Variants in TM7SF3 observed in about 807,000 individuals in gnomAD.
TM7SF3 encodes the protein transmembrane 7 superfamily member 3.
A neutral mutation model predicts 65.5 loss-of-function variants in TM7SF3; 60 were observed. The ratio of observed to expected loss-of-function variants is 0.92; its 90% CI spans 0.74 to 1.14. The LOEUF is 1.14. Among genes scored for constraint, TM7SF3 ranks in the 50% most tolerant of loss-of-function variants. The probability of loss-of-function intolerance (pLI) is 0.00; values close to 1 mark genes in which losing one functional copy is unlikely to be tolerated. For synonymous variants in TM7SF3, 264 were observed against 259.6 expected, an observed-to-expected ratio of 1.02 and a Z score of -0.16; for missense variants, 623 against 684.8, an observed-to-expected ratio of 0.91 and a Z score of 1.01.
chr12:26,996,632 A>T, intron 4 of TM7SF3, 110 bp downstream of exon 4: 1 of 1,138,752 alleles, frequency 8.8e-7, no homozygotes, highest in Non-Finnish European at 1.2e-6. Context: ...CCCAAAAATT[A>T]ACTCAATTTT....
In TM7SF3 at chr12:26,972,364, G is replaced by C. The variant is rs1447388377; in HGVS notation, c.*1601C>G. ...ACTAATGCTAACAGCTAATTGAGCAGAAAGAACTATGAAGTACAAATTTTT... is the reference window on the plus strand; with the variant it reads ...ACTAATGCTAACAGCTAATTGAGCACAAAGAACTATGAAGTACAAATTTTT... On this transcript the variant is annotated 3_prime_UTR_variant, in exon 12 of 12. Coordinates refer to ENST00000343028, the MANE Select transcript of TM7SF3 (RefSeq NM_016551.3). 6.6e-6 allele frequency: 1 copy of C among 151,762 alleles called. No homozygotes were observed. Among genetic ancestry groups the C allele is most frequent in the African/African-American group, 2.4e-5 (1 of 41,310 alleles). 9.4% of individuals were successfully genotyped at this position (151,762 alleles called of 1,614,324 possible).
Position 26,995,374 on chromosome 12 carries a change from C to A in TM7SF3, c.553G>T (p.Asp185Tyr), listed in dbSNP as rs1248328010. 3 of 1,614,220 alleles carry A rather than the reference C, an allele frequency of 1.9e-6. No homozygotes were observed. Among genetic ancestry groups the A allele is most frequent in the Non-Finnish European group, 2.5e-6 (3 of 1,180,040 alleles). The change falls in exon 5 of 12, where the codon GAC becomes TAC. Residue 185 changes from aspartate (D) to tyrosine (Y), a missense_variant. By Grantham distance (160) the Asp-to-Tyr change is radical. Coordinates refer to ENST00000343028, the MANE Select transcript of TM7SF3 (RefSeq NM_016551.3). ...VDPPPCDAGT[D>Y]QDSRWRLQYD... ...TGCAACCTCCACCTGGAGTCCTGGTCTGTCCCAGCGTCACATGGTGGGGGA... is the reference window on the plus strand; with the variant it reads ...TGCAACCTCCACCTGGAGTCCTGGTATGTCCCAGCGTCACATGGTGGGGGA...
At chr12:27,007,786 A>C (rs950197610) in intron 1 of TM7SF3, among the ~76,000 whole-genome samples, 2 of 152,198 alleles carry the variant, frequency 1.3e-5, no homozygotes, top group African/African-American at 4.8e-5. Flanking sequence ...CTAAGTTCAA[A>C]CACTAGGAAT....
rs370404732 is a variant in TM7SF3 at position 26,990,554 on chromosome 12, T to C, written c.764A>G (p.Asn255Ser). ...TAGAAACGGGTCCCAAACAATGACA[T>C]TGTATATGACACCTTGTCCCGGGAG... ...SSLPGQGVIY[N>S]VIVWDPFLNT... Residue 255 changes from asparagine (N) to serine (S), a missense_variant, in exon 6 of 12, where the codon AAT (asparagine) becomes AGT (serine). By Grantham distance (46) the Asn-to-Ser change is conservative. Coordinates refer to ENST00000343028, the MANE Select transcript of TM7SF3 (RefSeq NM_016551.3). 24 of 1,613,860 alleles carry C rather than the reference T, an allele frequency of 1.5e-5. No individual in the cohort carries two copies. Among genetic ancestry groups the C allele is most frequent in the East Asian group, 4.5e-5 (2 of 44,884 alleles).
chr12:27,008,551 T>C (rs1206261705), intron 1 of TM7SF3, among the ~76,000 whole-genome samples: 1 of 152,168 alleles, frequency 6.6e-6, no homozygotes, highest in African/African-American at 2.4e-5. Context: ...TCCTTTATGA[T>C]TAGTCCCTTT....
chr12:26,975,495 C>T lies in TM7SF3; in HGVS notation c.1450+1G>A, dbSNP rs370750302. 1.6e-5 allele frequency: 26 copies of T among 1,613,840 alleles called. No homozygotes were observed. In the Admixed American group the frequency reaches 2.7e-4, roughly 17 times the overall value. On this transcript the variant is annotated splice_donor_variant, in intron 11 of 11. Coordinates refer to ENST00000343028, the MANE Select transcript of TM7SF3 (RefSeq NM_016551.3). LOFTEE classifies it high-confidence loss of function. ...CTGGTTTTTGGATTTAAGAGTCTTA[C>T]CATTAGTTTGAAAAGGCACATTTGT...
chr12:27,014,081 C>A lies in TM7SF3; in HGVS notation c.88G>T (p.Glu30Ter). 6.4e-7 allele frequency: 1 copy of A among 1,567,214 alleles called. No homozygotes were observed. The highest frequency in any genetic ancestry group is 2.3e-5 in the East Asian group (1 of 42,622). Residue 30 changes from glutamate to a stop codon, truncating the protein, a stop_gained, in exon 1 of 12, where the codon GAG (glutamate) becomes TAG (stop). Transcript: ENST00000343028. LOFTEE classifies it high-confidence loss of function. ...GAAEVFGNSS[E>*]GLIEFSVGKF... ...AAGCCAGGCGCCCCGACCTTACCCT[C>A]GCTGGAATTCCCGAAGACCTCGGCT... is the stretch of plus-strand genomic sequence containing the variant.
Position 26,973,912 on chromosome 12 carries a change from C to A in TM7SF3, c.*53G>T, listed in dbSNP as rs1037559124. ...AGACTTGCACCAGAGACTGTTGAAC[C>A]ACTCCAGGCATGAACTCCAAAGCTG... On this transcript the variant is annotated 3_prime_UTR_variant, in exon 12 of 12. Transcript: ENST00000343028. 4.8e-5 allele frequency: 76 copies of A among 1,583,394 alleles called. No individual in the cohort carries two copies. Among genetic ancestry groups the A allele is most frequent in the Non-Finnish European group, 6.3e-5 (74 of 1,168,464 alleles).
intron 3 of TM7SF3, among the ~76,000 whole-genome samples, chr12:26,998,734 C>A (rs1456300386): frequency 6.6e-6 from 1 of 152,162 alleles, no homozygotes; most frequent in Non-Finnish European, 1.5e-5. Flanking sequence ...CCTCTCCAAT[C>A]CATCCCCACA....
intron 1 of TM7SF3, 24 bp downstream of exon 1, chr12:27,014,054 A>T: frequency 6.4e-7 from 1 of 1,550,494 alleles, no homozygotes; most frequent in East Asian, 2.4e-5. Context: ...TTTGGGTTGC[A>T]GAAGCCAGGC....
chr12:27,000,024 T>C (rs567576786), intron 2 of TM7SF3, among the ~76,000 whole-genome samples: 1 of 152,346 alleles, frequency 6.6e-6, no homozygotes, highest in Admixed American at 6.5e-5. Context: ...AGCTGTCTTA[T>C]AGGCTGAAGA....
intron 5 of TM7SF3, among the ~76,000 whole-genome samples, chr12:26,991,144 T>G (rs1315606675): frequency 7.2e-6 from 1 of 138,596 alleles, no homozygotes; most frequent in African/African-American, 2.9e-5. Context: ...AGTAGTTCTT[T>G]TTTTTTTTTT....
At chr12:26,986,032 G>T (rs1210211681) in intron 6 of TM7SF3, among the ~76,000 whole-genome samples, 1 of 150,700 alleles carries the variant, frequency 6.6e-6, no homozygotes, top group Non-Finnish European at 1.5e-5. Context: ...GTTTCACTGT[G>T]TTAGCCAGGA....
rs748813299 is a variant in TM7SF3, at chr12:26,975,536, A to C, written c.1410T>G (p.Asp470Glu). The change falls in exon 11 of 12, where the codon GAT (aspartate) becomes GAG (glutamate). Residue 470 changes from aspartate (D) to glutamate (E), a missense_variant. Transcript: ENST00000343028. ...GCACATTTGTGAAAGCTCTGTGGAA[A>C]TCCTTGTTGAGCGCTCTCTTGAGTA... ...LNVLKRALNK[D>E]FHRAFTNVPF... is the part of the protein sequence containing the mutation. 1 of 1,614,142 alleles carries C rather than the reference A, an allele frequency of 6.2e-7. No individual in the cohort carries two copies. The highest frequency in any genetic ancestry group is 1.3e-5 in the African/African-American group (1 of 75,048).
At position 26,973,797 on chromosome 12, in the gene TM7SF3, A is replaced by C; in HGVS notation, c.*168T>G. 2.5e-6 allele frequency: 2 copies of C among 799,500 alleles called. No homozygotes were observed. Among genetic ancestry groups the C allele is most frequent in the Non-Finnish European group, 3.6e-6 (2 of 549,582 alleles). 49.5% of individuals were successfully genotyped at this position (799,500 alleles called of 1,614,324 possible). ...TCATCTTTCTCATTCTCTTACAATCATCCTAATCCCCTAGTACACCCTTAC... is the reference window on the plus strand; with the variant it reads ...TCATCTTTCTCATTCTCTTACAATCCTCCTAATCCCCTAGTACACCCTTAC... On this transcript the variant is annotated 3_prime_UTR_variant, in exon 12 of 12. Transcript: ENST00000343028.
intron 6 of TM7SF3, 142 bp downstream of exon 6, chr12:26,990,308 A>G: frequency 1.8e-6 from 1 of 554,560 alleles, no homozygotes; most frequent in Non-Finnish European, 3.2e-6. Flanking sequence ...TGTTTTGTTT[A>G]CTGCTATGTC....
chr12:27,003,284 A>C lies in TM7SF3; in HGVS notation c.198T>G (p.Ile66Met). ...TCTGATACTGTGAGTGTATTTGGAA[A>C]ATAAGAAAAGTCACATTGCTTGAAA... ...HDISSNVTFLIFQIHSQYQNT... is the reference protein window; with the variant it reads ...HDISSNVTFLMFQIHSQYQNT... Residue 66 changes from isoleucine (I) to methionine (M), a missense_variant, in exon 2 of 12, where the codon ATT (isoleucine) becomes ATG (methionine). Physicochemically the swap from Ile to Met is conservative, Grantham distance 10 (BLOSUM62 1). Coordinates refer to ENST00000343028, the MANE Select transcript of TM7SF3 (RefSeq NM_016551.3). 1 of 1,613,492 alleles carries C rather than the reference A, an allele frequency of 6.2e-7. No homozygotes were observed. The highest frequency in any genetic ancestry group is 2.2e-5 in the East Asian group (1 of 44,856).
Position 26,972,702 on chromosome 12 carries a change from G to A in TM7SF3, c.*1263C>T, listed in dbSNP as rs763941616. 4.0e-5 allele frequency among the ~76,000 whole-genome samples: 6 copies of A among 151,858 alleles called. No individual in the cohort carries two copies. The highest frequency in any genetic ancestry group is 8.8e-5 in the Non-Finnish European group (6 of 67,934). ...TGACCCCAGGTGATCCACCCGCCTC[G>A]ACCTCCCAAAATGCTGGGATTACAG... On this transcript the variant is annotated 3_prime_UTR_variant, in exon 12 of 12. Transcript: ENST00000343028.
Position 26,989,265 on chromosome 12 carries a change from G to A in TM7SF3, c.868+1185C>T, listed in dbSNP as rs555735297. 9.9e-5 allele frequency among the ~76,000 whole-genome samples: 15 copies of A among 151,962 alleles called. 1 individual carries two copies. The highest frequency in any genetic ancestry group is 5.8e-4 in the East Asian group (3 of 5,162). ...AGCCTGGCCAACATGGTGAAACCCC[G>A]ACTCTACTAAAAATACAAAAATTAG... On this transcript the variant is annotated intron_variant, in intron 6 of 11. Transcript: ENST00000343028.
Sources: allele counts gnomAD v4.1 joint callset (sites outside exome capture counted in the v4.1 genomes callset), GRCh38; gene constraint gnomAD v4.1.1; transcripts MANE v1.5; gene names NCBI Gene and HGNC (gene_info 2026-07-23, HGNC 2026-07-21).